The following STAG2 variants were observed in gnomAD, a reference collection of about 807,000 sequenced individuals.
STAG2 encodes the protein cohesin subunit SA-2.
Under a neutral mutation model 108.1 loss-of-function variants are expected in STAG2, and 14 were observed. The observed-to-expected ratio is 0.13, with a 90% CI of 0.09 to 0.20. The LOEUF (loss-of-function observed/expected upper bound fraction) is 0.20, where lower values mean the gene tolerates loss of function less well. Ranked by LOEUF, STAG2 falls within the 10% of genes least tolerant of loss-of-function variation. The probability of loss-of-function intolerance (pLI) is 1.00; values close to 1 mark genes in which losing one functional copy is unlikely to be tolerated. For synonymous variants in STAG2, 307 were observed against 302.7 expected (o/e 1.01, Z -0.15); for missense variants, 440 against 940.9 (o/e 0.47, Z 6.96).
At chrX:124,093,301 TTTC>T (rs1445000819) in intron 32 of STAG2, among the ~76,000 whole-genome samples, 1 of 111,395 alleles carries the variant, frequency 9.0e-6, no homozygotes, top group East Asian at 2.8e-4. Flanking sequence ...GTGTTCCTCA[TTTC>T]TTCCTGAGGC....
At chrX:124,093,922 C>T in intron 32 of STAG2, 96 bp from the exon 33 acceptor site, 1 of 945,043 alleles carries the variant, frequency 1.1e-6, no homozygotes, top group Non-Finnish European at 1.5e-6. Context: ...CCATCATTTT[C>T]CATTATACTT....
chrX:124,081,272 G>T (rs924569585), intron 27 of STAG2, 108 bp from the exon 28 acceptor site: 2 of 501,648 alleles, frequency 4.0e-6, no homozygotes, highest in Admixed American at 4.7e-5. Flanking sequence ...ATAAAATACA[G>T]TGCCTCATTT....
Position 124,034,643 on chromosome X carries a change from C to G in STAG2, c.289-2884C>G, listed in dbSNP as rs756704900. Among the ~76,000 whole-genome samples the G allele has an allele frequency of 1.1e-3, 125 of 111,222 alleles. 1 individual carries two copies. Among genetic ancestry groups the G allele is most frequent in the African/African-American group, 3.9e-3 (121 of 30,685 alleles). On this transcript the variant is annotated intron_variant, in intron 5 of 34. Coordinates refer to ENST00000371145, the MANE Select transcript of STAG2 (RefSeq NM_001042750.2). ...ATAGTTTTATTTTACTCCCCCCTTG[C>G]ATATCAAATAGGACTGAGCGAATCA...
chrX:124,005,476 CTCT>C (rs1416463104), intron 1 of STAG2, among the ~76,000 whole-genome samples: 1 of 111,596 alleles, frequency 9.0e-6, no homozygotes, highest in Non-Finnish European at 1.9e-5. Context: ...TCTCTCCTTC[CTCT>C]ATTTGGTTTC....
At chrX:124,000,212 A>G (rs2055965031) in intron 1 of STAG2, among the ~76,000 whole-genome samples, 1 of 111,263 alleles carries the variant, frequency 9.0e-6, no homozygotes, top group Non-Finnish European at 1.9e-5. Context: ...AGTGCAGTGC[A>G]TTTCTCATGT....
At chrX:123,999,632 A>C (rs1232789994) in intron 1 of STAG2, among the ~76,000 whole-genome samples, 1 of 110,801 alleles carries the variant, frequency 9.0e-6, no homozygotes, top group Non-Finnish European at 1.9e-5. Flanking sequence ...TGTTTGTTTG[A>C]GACAGTCTTG....
chrX:123,993,389 C>T lies in STAG2; in HGVS notation c.-162-27978C>T, dbSNP rs775150775. Among the ~76,000 whole-genome samples the T allele has an allele frequency of 2.2e-4, 25 of 111,542 alleles. 1 individual carries two copies. The South Asian group carries it at 5.2e-3, about 23-fold the overall frequency. ...TGAACTTCCTGGAGATTTTCAATCTCGCTTACCTTAAATTTGAGCAATACC... is the reference window on the plus strand; with the variant it reads ...TGAACTTCCTGGAGATTTTCAATCTTGCTTACCTTAAATTTGAGCAATACC... On this transcript the variant is annotated intron_variant, in intron 1 of 34. Transcript: ENST00000371145.
intron 1 of STAG2, among the ~76,000 whole-genome samples, chrX:123,972,309 C>T (rs1486657242): frequency 7.9e-5 from 8 of 101,036 alleles, no homozygotes; most frequent in African/African-American, 1.8e-4. Context: ...GAGGTGGAGT[C>T]GCCCAGGCTG....
intron 25 of STAG2, among the ~76,000 whole-genome samples, chrX:124,075,697 C>T (rs1450880212): frequency 9.0e-6 from 1 of 110,816 alleles, no homozygotes; most frequent in Non-Finnish European, 1.9e-5. Context: ...GTTTTATTTA[C>T]AGTATCCAAT....
intron 6 of STAG2, among the ~76,000 whole-genome samples, chrX:124,039,586 AGTTT>A (rs200107817): frequency 2.2e-3 from 236 of 105,418 alleles, no homozygotes; most frequent in Non-Finnish European, 3.2e-3. Context: ...GGCATGAGTG[AGTTT>A]GTTTGTTTGT....
intron 32 of STAG2, among the ~76,000 whole-genome samples, chrX:124,092,356 A>C (rs1278445097): frequency 9.0e-6 from 1 of 111,340 alleles, no homozygotes; most frequent in African/African-American, 3.3e-5. Context: ...CATTCCTTTT[A>C]ATATAAGTTC....
rs867498362 is a variant in STAG2 at position 123,977,839 on chromosome X, T to G, written c.-163+15983T>G. Among the ~76,000 whole-genome samples the G allele has an allele frequency of 6.2e-3, 529 of 85,665 alleles. 5 individuals carry two copies. Among genetic ancestry groups the G allele is most frequent in the African/African-American group, 0.022 (488 of 22,342 alleles). The allele number at this position is 85,665 out of a possible 115,157, so 74.4% of individuals were successfully genotyped here. On this transcript the variant is annotated intron_variant, in intron 1 of 34. Coordinates refer to ENST00000371145, the MANE Select transcript of STAG2 (RefSeq NM_001042750.2). ...GCAATCTGGTTCCCAAGTGTTTTTT[T>G]TTTTTTTTTTTTTTTTTTTTGAGAT...
At chrX:124,069,128 C>A (rs191889621) in intron 24 of STAG2, among the ~76,000 whole-genome samples, 24 of 111,900 alleles carry the variant, frequency 2.1e-4, no homozygotes, top group African/African-American at 6.8e-4. Flanking sequence ...CCAAGTGTTA[C>A]CTTCCCAACG....
At chrX:123,983,772 A>G (rs1242537836) in intron 1 of STAG2, among the ~76,000 whole-genome samples, 1 of 109,563 alleles carries the variant, frequency 9.1e-6, no homozygotes, top group Non-Finnish European at 1.9e-5. Context: ...TGCAGAACCT[A>G]TGGAAAAAGA....
chrX:123,989,268 A>G (rs2055334167), intron 1 of STAG2, among the ~76,000 whole-genome samples: 1 of 111,943 alleles, frequency 8.9e-6, no homozygotes, highest in Non-Finnish European at 1.9e-5. Context: ...TTAGTACAAA[A>G]GGGGTATAAA....
At chrX:124,096,270 C>G (rs767832514) in intron 34 of STAG2, among the ~76,000 whole-genome samples, 19 of 110,885 alleles carry the variant, frequency 1.7e-4, no homozygotes, top group Non-Finnish European at 3.4e-4. Context: ...GCCATCTTAA[C>G]CTTGGCCTTT....
At chrX:124,005,871 T>G (rs1277279184) in intron 1 of STAG2, among the ~76,000 whole-genome samples, 1 of 111,605 alleles carries the variant, frequency 9.0e-6, no homozygotes, top group African/African-American at 3.3e-5. Context: ...TCTGAGAGAA[T>G]CTATTCTGTC....
Position 124,083,480 on chromosome X carries a change from T to C in STAG2, c.2984T>C (p.Leu995Ser), listed in dbSNP as rs1300741706. 1 of 1,200,066 alleles carries C rather than the reference T, an allele frequency of 8.3e-7. No homozygotes were observed. The stretch of plus-strand genomic sequence containing the variant: ...CCGCAAGGGGAGAGCCATCCACCTT[T>C]AAATTTGGCATTTCTTGATATTCTG... ...PNPQGESHPP[L>S]NLAFLDILSE... is the part of the protein sequence containing the mutation. The change falls in exon 29 of 35, where the codon TTA becomes TCA. Residue 995 changes from leucine to serine, a missense_variant. Transcript: ENST00000371145.
chrX:124,075,052 T>TA (rs2058765232), intron 25 of STAG2, among the ~76,000 whole-genome samples: 1 of 111,897 alleles, frequency 8.9e-6, no homozygotes, highest in Admixed American at 9.5e-5. Flanking sequence ...CTTAAATTCT[T>TA]ACTCTTTAAA....
Sources: allele counts gnomAD v4.1 joint callset (sites outside exome capture counted in the v4.1 genomes callset), GRCh38; gene constraint gnomAD v4.1.1; transcripts MANE v1.5; gene names NCBI Gene and HGNC (gene_info 2026-07-23, HGNC 2026-07-21).